The following LSM14B variants were observed in gnomAD, a reference collection of about 807,000 sequenced individuals.
The protein encoded by LSM14B is protein LSM14 homolog B.
A neutral mutation model predicts 42.1 loss-of-function variants in LSM14B; 8 were observed. That is an observed-to-expected ratio of 0.19 (90% CI 0.11 to 0.34). The LOEUF (loss-of-function observed/expected upper bound fraction) is 0.34. Among genes scored for constraint, LSM14B ranks in the 10% least tolerant of loss-of-function variants. The pLI, the probability that LSM14B is intolerant of heterozygous loss-of-function variation, is 1.00. For synonymous variants in LSM14B, 219 were observed against 209.7 expected, an observed-to-expected ratio of 1.04 and a Z score of -0.38; for missense variants, 396 against 513.1, an observed-to-expected ratio of 0.77 and a Z score of 2.21.
chr20:62,126,713 C>T (rs992109062), intron 3 of LSM14B, among the ~76,000 whole-genome samples: 1 of 152,178 alleles, frequency 6.6e-6, no homozygotes, highest in Non-Finnish European at 1.5e-5. Flanking sequence ...AGGTGGAAGT[C>T]CTGGGCCAGG....
Position 62,133,402 on chromosome 20 carries a change from G to A in LSM14B, c.1099G>A (p.Gly367Ser), listed in dbSNP as rs1361557948. The A allele has an allele frequency of 6.2e-7, 1 of 1,613,484 alleles. No individual in the cohort carries two copies. ...TCGGGGCGGATTCCGAGGAGGCAGG[G>A]GCAATGGGACCACCCGTCGCAACCC... ...SSRGGFRGGR[G>S]NGTTRRNPTS... is the part of the protein sequence containing the mutation. The change falls in exon 8 of 9, where the codon GGC (glycine) becomes AGC (serine). Residue 367 changes from glycine to serine, a missense_variant. By Grantham distance (56) the Gly-to-Ser change is moderately conservative. Coordinates refer to ENST00000279068, the MANE Select transcript of LSM14B (RefSeq NM_144703.3).
At chr20:62,127,797 C>G (rs1313991352) in intron 3 of LSM14B, 1 of 928,660 alleles carries the variant, frequency 1.1e-6, no homozygotes, top group Non-Finnish European at 1.7e-6. Context: ...TGTAGCAGAT[C>G]ATTTGCCAAG....
Position 62,129,923 on chromosome 20 carries a change from A to C in LSM14B, c.566A>C (p.Gln189Pro), listed in dbSNP as rs1463507646. The change falls in exon 4 of 9, where the codon CAG (glutamine) becomes CCG (proline). Residue 189 changes from glutamine to proline, a missense_variant. By Grantham distance (76) the Gln-to-Pro change is moderately conservative. This residue lies in a region of LSM14B where 274 missense variants were observed against 335.8 expected (regional missense o/e 0.82). Transcript: ENST00000279068. The stretch of plus-strand genomic sequence containing the variant: ...ACAGGGACGCAGCTCAACGGTCGTC[A>C]GGCCCAGCCGAGCAGCAAGACGGCC... ...GTTGTQLNGR[Q>P]AQPSSKTASD... 6.2e-7 allele frequency: 1 copy of C among 1,613,344 alleles called. No homozygotes were observed. Among genetic ancestry groups the C allele is most frequent in the Admixed American group, 1.7e-5 (1 of 59,942 alleles).
intron 2 of LSM14B, 109 bp from the exon 3 acceptor site, chr20:62,126,195 G>T (rs1193897751): frequency 1.3e-6 from 2 of 1,531,508 alleles, no homozygotes; most frequent in Non-Finnish European, 1.8e-6. Context: ...TCTCAAGGGT[G>T]CAGGCTGATG....
rs375275547 is a variant in LSM14B, at chr20:62,128,512, A to G, written c.428-1273A>G. Among the ~76,000 whole-genome samples, 138 of 152,292 alleles carry G rather than the reference A, an allele frequency of 9.1e-4. 1 individual carries two copies. In the South Asian group the frequency reaches 0.028, roughly 31 times the overall value. ...TAGTCTTTTTTTTTCCCCCACTTAAAAATGACACAGATACTTCTATTGCTC... is the reference window on the plus strand; with the variant it reads ...TAGTCTTTTTTTTTCCCCCACTTAAGAATGACACAGATACTTCTATTGCTC... On this transcript the variant is annotated intron_variant, in intron 3 of 8. Coordinates refer to ENST00000279068, the MANE Select transcript of LSM14B (RefSeq NM_144703.3).
intron 3 of LSM14B, chr20:62,127,562 C>T: frequency 6.6e-7 from 1 of 1,508,456 alleles, no homozygotes; most frequent in Non-Finnish European, 9.0e-7. Flanking sequence ...TCTTTTTGCT[C>T]TTTCTCCTTT....
chr20:62,127,433 A>G (rs2056638646), intron 3 of LSM14B, among the ~76,000 whole-genome samples: 1 of 152,234 alleles, frequency 6.6e-6, no homozygotes, highest in African/African-American at 2.4e-5. Context: ...CGGCCTTCCC[A>G]GCCCAGCTCT....
Position 62,131,394 on chromosome 20 carries a change from G to T in LSM14B, c.874G>T (p.Val292Leu), listed in dbSNP as rs1384886666. Residue 292 changes from valine (V) to leucine (L), a missense_variant, in exon 7 of 9, where the codon GTG (valine) becomes TTG (leucine). Around this residue, in one of 3 missense-constraint regions of LSM14B, gnomAD observed 118 missense variants for 156.4 expected, o/e 0.75. Coordinates refer to ENST00000279068, the MANE Select transcript of LSM14B (RefSeq NM_144703.3). Reference sequence around the variant, plus strand: ...GAAGGGGGAAGAGAAGGACCTGGCTGTGGTGACCCAGAGTGCCGAAGCGCC... The same window carrying T: ...GAAGGGGGAAGAGAAGGACCTGGCTTTGGTGACCCAGAGTGCCGAAGCGCC... ...AEKGEEKDLA[V>L]VTQSAEAPAE... The T allele has an allele frequency of 6.2e-7, 1 of 1,611,612 alleles. No individual in the cohort carries two copies. The highest frequency in any genetic ancestry group is 1.3e-5 in the African/African-American group (1 of 74,892).
At chr20:62,132,513 G>A (rs1186995444) in intron 7 of LSM14B, among the ~76,000 whole-genome samples, 1 of 152,262 alleles carries the variant, frequency 6.6e-6, no homozygotes, top group African/African-American at 2.4e-5. Context: ...GAACCAGGCA[G>A]TGGTGGTGAC....
Position 62,129,767 on chromosome 20 carries a change from C to T in LSM14B, c.428-18C>T. On this transcript the variant is annotated intron_variant, in intron 3 of 8. Transcript: ENST00000279068. Reference sequence around the variant, plus strand: ...CTTTTCTCTCTGTTTTTAAACCCTCCTCCCCTCCTCAATTCAGGAGCTGGT... The same window carrying T: ...CTTTTCTCTCTGTTTTTAAACCCTCTTCCCCTCCTCAATTCAGGAGCTGGT... 6 of 1,597,196 alleles carry T rather than the reference C, an allele frequency of 3.8e-6. No homozygotes were observed. Among genetic ancestry groups the T allele is most frequent in the Non-Finnish European group, 5.1e-6 (6 of 1,172,202 alleles).
chr20:62,132,524 A>G (rs1050462755), intron 7 of LSM14B, among the ~76,000 whole-genome samples: 19 of 152,204 alleles, frequency 1.2e-4, no homozygotes, highest in African/African-American at 4.6e-4. Flanking sequence ...TGGTGGTGAC[A>G]GAGGGAAGGA....
Position 62,122,563 on chromosome 20 carries a change from C to A in LSM14B, c.-104C>A. 1 of 837,138 alleles carries A rather than the reference C, an allele frequency of 1.2e-6. No individual in the cohort carries two copies. The highest frequency in any genetic ancestry group is 1.4e-6 in the Non-Finnish European group (1 of 693,666). The allele number at this position is 837,138 out of a possible 1,614,324, so 51.9% of individuals were successfully genotyped here. ...GCGCCCAGGCGGAGGCGGCGGCGGG[C>A]GGAGGAGCGCAGGAGCGGGCGGCCA... On this transcript the variant is annotated 5_prime_UTR_variant, in exon 1 of 9. Coordinates refer to ENST00000279068, the MANE Select transcript of LSM14B (RefSeq NM_144703.3). This position sits in a 1 kb window ranked among gnomAD's most constrained non-coding sequence, Gnocchi z 4.6.
intron 7 of LSM14B, among the ~76,000 whole-genome samples, chr20:62,132,254 C>T (rs779360055): frequency 3.3e-5 from 5 of 152,174 alleles, no homozygotes; most frequent in Non-Finnish European, 7.3e-5. Flanking sequence ...GAGCAGGCTG[C>T]GCAGATGAGT....
chr20:62,131,858 C>T (rs1181678722), intron 7 of LSM14B, among the ~76,000 whole-genome samples: 1 of 152,178 alleles, frequency 6.6e-6, no homozygotes, highest in Non-Finnish European at 1.5e-5. Context: ...AGCCTGAGGT[C>T]CTTGCTTAGC....
At position 62,134,951 on chromosome 20, in the gene LSM14B, T is replaced by C. The variant is rs1259546900; in HGVS notation, c.*803T>C. 6.6e-6 allele frequency: 1 copy of C among 152,400 alleles called. No homozygotes were observed. Among genetic ancestry groups the C allele is most frequent in the Non-Finnish European group, 1.5e-5 (1 of 68,150 alleles). The allele number at this position is 152,400 out of a possible 1,614,324, so 9.4% of individuals were successfully genotyped here. ...CCAGCCTCTGACCTGGGCCGGTCAG[T>C]CATTGCTGGACTCTGGCCACACACT... On this transcript the variant is annotated 3_prime_UTR_variant, in exon 9 of 9. Coordinates refer to ENST00000279068, the MANE Select transcript of LSM14B (RefSeq NM_144703.3).
chr20:62,125,321 T>C (rs2056560509), intron 2 of LSM14B, among the ~76,000 whole-genome samples: 1 of 151,764 alleles, frequency 6.6e-6, no homozygotes, highest in South Asian at 2.1e-4. Context: ...ACCTGGGGAG[T>C]TGGGTGTGCA....
intron 8 of LSM14B, 150 bp from the exon 9 acceptor site, chr20:62,134,013 G>A (rs2056841469): frequency 2.9e-6 from 1 of 350,800 alleles, no homozygotes; most frequent in Non-Finnish European, 5.6e-6. Context: ...TATTGTACAA[G>A]TAGGATTCTC....
intron 8 of LSM14B, among the ~76,000 whole-genome samples, chr20:62,133,867 T>C (rs1187644812): frequency 6.6e-6 from 1 of 152,246 alleles, no homozygotes; most frequent in Non-Finnish European, 1.5e-5. Context: ...CCAGTGGATT[T>C]GTGGGCACCT....
chr20:62,128,678 C>T (rs969166332), intron 3 of LSM14B, among the ~76,000 whole-genome samples: 39 of 152,296 alleles, frequency 2.6e-4, no homozygotes, highest in African/African-American at 7.5e-4. Context: ...GTTTGTCTCC[C>T]GGACATGCTG....
Sources: gnomAD v4.1 joint callset for allele counts (sites outside exome capture counted in the v4.1 genomes callset) on GRCh38, gnomAD v4.1.1 for gene constraint, gnomAD v4.1.1 regional missense constraint, Gnocchi (gnomAD v3.1) non-coding constraint, MANE v1.5 for transcripts, NCBI Gene and HGNC (gene_info 2026-07-23, HGNC 2026-07-21) for gene names.